The following ADAMTS17 variants were observed in gnomAD, a reference collection of about 807,000 sequenced individuals.
The protein encoded by ADAMTS17 is ADAM metallopeptidase with thrombospondin type 1 motif 17.
In ADAMTS17, 113 loss-of-function variants were observed where a neutral mutation model predicts 141.5. The observed-to-expected ratio is 0.80, with a 90% CI of 0.69 to 0.93. The LOEUF (loss-of-function observed/expected upper bound fraction) is 0.93, where lower values mean the gene tolerates loss of function less well. Among genes scored for constraint, ADAMTS17 ranks in the 40% least tolerant of loss-of-function variants. The pLI is 0.00. For missense variants in ADAMTS17, 1,659 were observed against 1,517.9 expected, an observed-to-expected ratio of 1.09 and a Z score of -1.54; for synonymous variants, 768 against 630.6, an observed-to-expected ratio of 1.22 and a Z score of -3.27.
chr15:100,236,953 GT>G (rs1345023119), intron 7 of ADAMTS17, among the ~76,000 whole-genome samples: 3 of 152,148 alleles, frequency 2.0e-5, no homozygotes, highest in Non-Finnish European at 4.4e-5. Context: ...GAATCCCATG[GT>G]TCCCAGCTTC....
intron 15 of ADAMTS17, among the ~76,000 whole-genome samples, chr15:100,082,559 TG>T (rs930892739): frequency 1.3e-5 from 2 of 152,034 alleles, no homozygotes; most frequent in African/African-American, 4.8e-5. Context: ...CTGATTTTTT[TG>T]TATTTTTTGT....
intron 4 of ADAMTS17, among the ~76,000 whole-genome samples, chr15:100,277,438 G>T (rs150187775): frequency 7.0e-4 from 106 of 152,268 alleles, no homozygotes; most frequent in Middle Eastern, 6.8e-3. Context: ...GATAAATTAT[G>T]AAAGCAAATA....
chr15:100,327,428 C>T (rs2045931962), intron 3 of ADAMTS17, among the ~76,000 whole-genome samples: 1 of 152,186 alleles, frequency 6.6e-6, no homozygotes, highest in South Asian at 2.1e-4. Context: ...GGCATAATCA[C>T]GTTCCAGTGA....
intron 3 of ADAMTS17, among the ~76,000 whole-genome samples, chr15:100,322,473 C>G (rs1437155035): frequency 6.6e-6 from 1 of 152,192 alleles, no homozygotes; most frequent in East Asian, 1.9e-4. Flanking sequence ...CTAAAATACT[C>G]TCCAGAGTAA....
At chr15:100,316,579 C>A (rs188204910) in intron 3 of ADAMTS17, among the ~76,000 whole-genome samples, 105 of 152,312 alleles carry the variant, frequency 6.9e-4, no homozygotes, top group African/African-American at 2.3e-3. Context: ...CTTCCTGGAA[C>A]CCCCTCCCTC....
intron 7 of ADAMTS17, among the ~76,000 whole-genome samples, chr15:100,215,050 C>G (rs1262183661): frequency 1.3e-5 from 2 of 152,236 alleles, no homozygotes; most frequent in Admixed American, 6.5e-5. Context: ...TACAGAATCT[C>G]CCATCCAAAA....
At chr15:100,278,765 C>T (rs2044187402) in intron 4 of ADAMTS17, among the ~76,000 whole-genome samples, 1 of 152,234 alleles carries the variant, frequency 6.6e-6, no homozygotes, top group South Asian at 2.1e-4. Flanking sequence ...GGGTTCCCCA[C>T]ACCCAGTGGG....
chr15:100,149,293 G>A (rs977195156), intron 10 of ADAMTS17, among the ~76,000 whole-genome samples: 6 of 152,236 alleles, frequency 3.9e-5, no homozygotes, highest in Non-Finnish European at 5.9e-5. Flanking sequence ...GAAGCATCTG[G>A]TCTTCTGCAT....
intron 8 of ADAMTS17, among the ~76,000 whole-genome samples, chr15:100,169,129 G>T (rs2040063765): frequency 2.0e-5 from 3 of 152,168 alleles, no homozygotes; most frequent in South Asian, 2.1e-4. Context: ...ACTCATTCAG[G>T]TCAGAGCCTC....
At chr15:100,232,409 G>A (rs2042512013) in intron 7 of ADAMTS17, among the ~76,000 whole-genome samples, 1 of 152,240 alleles carries the variant, frequency 6.6e-6, no homozygotes, top group Non-Finnish European at 1.5e-5. Flanking sequence ...CTGAAAGCCT[G>A]ATGGAGATGA....
intron 15 of ADAMTS17, among the ~76,000 whole-genome samples, chr15:100,082,277 G>C (rs1457370644): frequency 6.6e-6 from 1 of 152,144 alleles, no homozygotes; most frequent in Non-Finnish European, 1.5e-5. Context: ...TGTTAGCCAG[G>C]ATGGTCTCCA....
intron 18 of ADAMTS17, among the ~76,000 whole-genome samples, chr15:100,001,994 C>CAAAACAA (rs2060935200): frequency 3.4e-5 from 2 of 58,382 alleles, no homozygotes; most frequent in East Asian, 6.6e-4. Context: ...AGGCCAAACC[C>CAAAACAA]AAAAAAAAAA....
At chr15:100,326,056 C>G (rs771032642) in intron 3 of ADAMTS17, among the ~76,000 whole-genome samples, 1 of 152,186 alleles carries the variant, frequency 6.6e-6, no homozygotes, top group Non-Finnish European at 1.5e-5. Context: ...GCTCCACACA[C>G]AGAAGCACAG....
intron 8 of ADAMTS17, among the ~76,000 whole-genome samples, chr15:100,191,668 CAG>C (rs1352450277): frequency 6.6e-6 from 1 of 152,248 alleles, no homozygotes; most frequent in Non-Finnish European, 1.5e-5. Flanking sequence ...GCCATTTAGA[CAG>C]AGCCCACAGT....
intron 18 of ADAMTS17, among the ~76,000 whole-genome samples, chr15:100,035,951 G>T (rs184073576): frequency 2.0e-5 from 3 of 152,168 alleles, no homozygotes; most frequent in Non-Finnish European, 4.4e-5. Flanking sequence ...GACATAGGGG[G>T]TCCCGTCCAG....
At chr15:100,211,031 T>C (rs1172041544) in intron 7 of ADAMTS17, among the ~76,000 whole-genome samples, 2 of 151,092 alleles carry the variant, frequency 1.3e-5, no homozygotes, top group Non-Finnish European at 3.0e-5. Context: ...ATCTGGGAGG[T>C]GGAGCTTGCA....
chr15:100,324,453 C>T (rs2045837248), intron 3 of ADAMTS17, among the ~76,000 whole-genome samples: 1 of 152,152 alleles, frequency 6.6e-6, no homozygotes, highest in Admixed American at 6.5e-5. Flanking sequence ...TTTACACCTG[C>T]TACATTCATT....
chr15:100,144,365 C>T (rs1179439792), intron 10 of ADAMTS17, among the ~76,000 whole-genome samples: 1 of 152,182 alleles, frequency 6.6e-6, no homozygotes, highest in Admixed American at 6.5e-5. Flanking sequence ...GCCTGGCCAA[C>T]ATGGCAAAAC....
At chr15:100,285,825 G>A (rs965641735) in intron 3 of ADAMTS17, among the ~76,000 whole-genome samples, 10 of 152,160 alleles carry the variant, frequency 6.6e-5, no homozygotes, top group Non-Finnish European at 1.2e-4. Flanking sequence ...TGGATGCCCA[G>A]CCCCCAAGTC....
Sources: gnomAD v4.1 joint callset for allele counts (sites outside exome capture counted in the v4.1 genomes callset) on GRCh38, gnomAD v4.1.1 for gene constraint, MANE v1.5 for transcripts, NCBI Gene and HGNC (gene_info 2026-07-23, HGNC 2026-07-21) for gene names.